DMD: variants seen among roughly 807,000 people sequenced by gnomAD.
DMD encodes mutant dystrophin.
In DMD, 63 loss-of-function variants were observed where a neutral mutation model predicts 330.1. The observed-to-expected ratio is 0.19, with a 90% CI of 0.16 to 0.24. The LOEUF is 0.24. Ranked by LOEUF, DMD falls within the 10% of genes least tolerant of loss-of-function variation. The pLI is 1.00. For missense variants in DMD, 3,344 were observed against 2,684.1 expected (o/e 1.25, Z -5.43); for synonymous variants, 1,223 against 959.8 (o/e 1.27, Z -5.07).
chrX:31,649,806 A>C (rs2148564311), intron 54 of DMD, among the ~76,000 whole-genome samples: 1 of 111,214 alleles, frequency 9.0e-6, no homozygotes, highest in African/African-American at 3.3e-5. Flanking sequence ...TACCTAAAGG[A>C]GTTGATAATG....
At chrX:32,490,495 G>T (rs1290136707) in intron 20 of DMD, among the ~76,000 whole-genome samples, 1 of 111,246 alleles carries the variant, frequency 9.0e-6, no homozygotes, top group South Asian at 3.8e-4. Flanking sequence ...TACAGATGAC[G>T]GTTCCTTGTC....
intron 22 of DMD, among the ~76,000 whole-genome samples, chrX:32,469,570 CTTAAT>C (rs1297804392): frequency 2.7e-5 from 3 of 110,719 alleles, no homozygotes; most frequent in Non-Finnish European, 5.7e-5. Flanking sequence ...TTTGGTGGTA[CTTAAT>C]TTGTTTTTTT....
At chrX:32,440,444 C>A (rs2098277496) in intron 28 of DMD, among the ~76,000 whole-genome samples, 2 of 111,483 alleles carry the variant, frequency 1.8e-5, no homozygotes, top group South Asian at 7.5e-4. Context: ...ATTTTCTTCA[C>A]ATCTTGAATA....
chrX:32,419,423 C>A (rs905871406), intron 29 of DMD, among the ~76,000 whole-genome samples: 4 of 112,087 alleles, frequency 3.6e-5, no homozygotes, highest in Admixed American at 1.9e-4. Flanking sequence ...GTTGCTTTAA[C>A]CCACTTTAAA....
At chrX:31,921,881 T>C (rs911821450) in intron 47 of DMD, among the ~76,000 whole-genome samples, 1 of 112,151 alleles carries the variant, frequency 8.9e-6, no homozygotes, top group African/African-American at 3.2e-5. Context: ...TCATCACTCC[T>C]GTTTACTTTT....
intron 1 of DMD, among the ~76,000 whole-genome samples, chrX:33,143,155 T>A (rs2047877564): frequency 9.0e-6 from 1 of 111,726 alleles, no homozygotes; most frequent in Admixed American, 9.6e-5. Context: ...CTATATGTAT[T>A]TTAGTTTTTC....
intron 60 of DMD, among the ~76,000 whole-genome samples, chrX:31,413,997 G>A (rs776505934): frequency 1.2e-4 from 13 of 111,222 alleles, no homozygotes; most frequent in Non-Finnish European, 2.3e-4. Context: ...CAGATTTATA[G>A]TTTTCTTTAT....
intron 7 of DMD, among the ~76,000 whole-genome samples, chrX:32,758,561 A>C (rs1803795050): frequency 9.0e-6 from 1 of 111,360 alleles, no homozygotes; most frequent in African/African-American, 3.3e-5. Context: ...ATTGTTATTC[A>C]ACGACCAAGA....
At position 33,232,051 on chromosome X, in the gene DMD, T is replaced by G. The variant is rs183378019; in HGVS notation, c.7+107208A>C. ...AAGAGTGTACTGAAATATTTAAAAT[T>G]TAGAGAGAAAAAATAAATCCACCAA... On this transcript the variant is annotated intron_variant, in intron 1 of 17. Coordinates refer to the DMD transcript ENST00000288447. Among the ~76,000 whole-genome samples, 4 of 111,407 alleles carry G rather than the reference T, an allele frequency of 3.6e-5. No individual in the cohort carries two copies. In the East Asian group the frequency reaches 8.5e-4, roughly 24 times the overall value.
At chrX:32,783,551 C>T (rs912807701) in intron 7 of DMD, among the ~76,000 whole-genome samples, 2 of 110,095 alleles carry the variant, frequency 1.8e-5, no homozygotes, top group South Asian at 7.6e-4. Context: ...GTAATCTGTA[C>T]TCAGAGCCCC....
chrX:32,209,813 A>G (rs954416195), intron 44 of DMD, among the ~76,000 whole-genome samples: 4 of 111,788 alleles, frequency 3.6e-5, no homozygotes, highest in Admixed American at 9.6e-5. Context: ...CCAATAATGT[A>G]TGAAAATCTG....
At chrX:33,234,348 GGTGT>G (rs199856449) in intron 1 of DMD, among the ~76,000 whole-genome samples, 1 of 110,091 alleles carries the variant, frequency 9.1e-6, no homozygotes, top group Non-Finnish European at 1.9e-5. Context: ...TTAATAGATG[GGTGT>G]GTGTGTGTGT....
intron 12 of DMD, among the ~76,000 whole-genome samples, chrX:32,598,534 A>T (rs1179241785): frequency 8.9e-6 from 1 of 112,024 alleles, no homozygotes; most frequent in Non-Finnish European, 1.9e-5. Context: ...TACATATATT[A>T]CAAAATTACA....
intron 7 of DMD, among the ~76,000 whole-genome samples, chrX:32,760,563 C>A (rs930163341): frequency 9.0e-6 from 1 of 111,534 alleles, no homozygotes; most frequent in African/African-American, 3.3e-5. Flanking sequence ...TCCCCAGTGC[C>A]AATCAGAGAC....
At position 32,473,062 on chromosome X, in the gene DMD, T is replaced by G. The variant is rs184113813; in HGVS notation, c.2804-753A>C. ...ACGTTTTAAAGTATGTATGTGTATA[T>G]GTATATATATGAAATGTGACTTAAG... On this transcript the variant is annotated intron_variant, in intron 21 of 78. Coordinates refer to ENST00000357033, the MANE Select transcript of DMD (RefSeq NM_004006.3). Among the ~76,000 whole-genome samples the G allele has an allele frequency of 9.0e-5, 10 of 111,299 alleles. No individual in the cohort carries two copies. In the East Asian group the frequency reaches 2.8e-3, roughly 31 times the overall value.
intron 44 of DMD, among the ~76,000 whole-genome samples, chrX:32,081,460 G>A (rs2096390791): frequency 8.9e-6 from 1 of 112,236 alleles, no homozygotes; most frequent in East Asian, 2.8e-4. Flanking sequence ...CTGCATTACA[G>A]CTCAACTTCT....
In DMD at chrX:32,310,116, A is replaced by G. The variant is rs1289456469; in HGVS notation, c.6083T>C (p.Phe2028Ser). The change falls in exon 42 of 79, where the codon TTT becomes TCT. Residue 2028 changes from phenylalanine (F) to serine (S), a missense_variant. Physicochemically the swap from Phe to Ser is radical, Grantham distance 155 (BLOSUM62 -2). Coordinates refer to ENST00000357033, the MANE Select transcript of DMD (RefSeq NM_004006.3). ...CTCCTCTTGCTTAAAGAGATCTTCA[A>G]AGTCCTTAGCACAGAGGTCAGGAGC... is the stretch of plus-strand genomic sequence containing the variant. ...LNAPDLCAKD[F>S]EDLFKQEESL... 9 of 1,209,486 alleles carry G rather than the reference A, an allele frequency of 7.4e-6. No individual in the cohort carries two copies. The highest frequency in any genetic ancestry group is 1.0e-5 in the Non-Finnish European group (9 of 893,925).
At chrX:33,235,688 G>A (rs191894412) in intron 1 of DMD, among the ~76,000 whole-genome samples, 1 of 110,022 alleles carries the variant, frequency 9.1e-6, no homozygotes, top group Admixed American at 9.7e-5. Context: ...CCTCAAGGTT[G>A]CTCAAGGTCA....
At chrX:32,666,841 CA>C (rs1315248100) in intron 9 of DMD, among the ~76,000 whole-genome samples, 1 of 103,165 alleles carries the variant, frequency 9.7e-6, no homozygotes, top group Non-Finnish European at 2.0e-5. Flanking sequence ...AAAAAAAAAA[CA>C]GCAAGCAAAG....
Sources: allele counts gnomAD v4.1 joint callset (sites outside exome capture counted in the v4.1 genomes callset), GRCh38; gene constraint gnomAD v4.1.1; transcripts MANE v1.5; gene names NCBI Gene and HGNC (gene_info 2026-07-23, HGNC 2026-07-21).